The following BICD1 variants were observed in gnomAD, a reference collection of about 807,000 sequenced individuals.
BICD1 encodes the protein BICD cargo adaptor 1, also known as protein bicaudal D homolog 1.
In BICD1, 35 loss-of-function variants were observed where a neutral mutation model predicts 92.5. The ratio of observed to expected loss-of-function variants is 0.38; its 90% CI spans 0.29 to 0.50. BICD1 has a LOEUF of 0.50. Ranked by LOEUF, BICD1 falls within the 20% of genes least tolerant of loss-of-function variation. BICD1 has a pLI of 0.93. For missense variants in BICD1, 950 were observed against 1,189.8 expected (o/e 0.80, Z 2.97); for synonymous variants, 429 against 465.1 (o/e 0.92, Z 1.00).
chr12:32,308,455 G>A (rs1948289296), intron 4 of BICD1, among the ~76,000 whole-genome samples: 1 of 152,202 alleles, frequency 6.6e-6, no homozygotes, highest in African/African-American at 2.4e-5. Flanking sequence ...AGGTTTATGA[G>A]TTATATGCAG....
chr12:32,216,180 C>T (rs902539893), intron 1 of BICD1, 67 bp from the exon 2 acceptor site: 4 of 1,519,252 alleles, frequency 2.6e-6, no homozygotes, highest in African/African-American at 2.8e-5. Flanking sequence ...AAACATTTTC[C>T]CAAGTCTTAA....
intron 1 of BICD1, among the ~76,000 whole-genome samples, chr12:32,144,174 A>T (rs1254087616): frequency 6.6e-6 from 1 of 152,176 alleles, no homozygotes; most frequent in Admixed American, 6.5e-5. Context: ...TGTCTTTAAG[A>T]AATTTTTCCC....
At chr12:32,329,268 C>T (rs1356007350) in intron 5 of BICD1, among the ~76,000 whole-genome samples, 1 of 151,956 alleles carries the variant, frequency 6.6e-6, no homozygotes, top group Non-Finnish European at 1.5e-5. Flanking sequence ...CCATGCCTGG[C>T]TAACTTTTTG....
intron 1 of BICD1, among the ~76,000 whole-genome samples, chr12:32,110,244 A>G (rs973635778): frequency 2.0e-5 from 3 of 152,202 alleles, no homozygotes; most frequent in Admixed American, 1.3e-4. Context: ...AGTGTTGCCT[A>G]AAGATGTGCA....
intron 4 of BICD1, among the ~76,000 whole-genome samples, chr12:32,324,903 T>C (rs775914865): frequency 3.3e-5 from 5 of 152,190 alleles, no homozygotes; most frequent in Admixed American, 6.5e-5. Flanking sequence ...ATTTAATAGA[T>C]TGAAAAATTT....
chr12:32,107,846 A>G (rs1453823294), intron 1 of BICD1: 5 of 659,154 alleles, frequency 7.6e-6, no homozygotes, highest in South Asian at 1.6e-5. Flanking sequence ...GTGGGTTGGA[A>G]TGTATAAATC....
At chr12:32,114,978 G>A (rs946271357) in intron 1 of BICD1, among the ~76,000 whole-genome samples, 24 of 152,196 alleles carry the variant, frequency 1.6e-4, no homozygotes, top group African/African-American at 5.3e-4. Flanking sequence ...TATTGAAGAT[G>A]CATTAGCATT....
In BICD1 at chr12:32,117,751, TATA is replaced by T. The variant is rs1401678824; in HGVS notation, c.213+10208_213+10210del. On this transcript the variant is annotated intron_variant, in intron 1 of 9. Transcript: ENST00000652176. Reference sequence around the variant, plus strand: ...ACACACACACATATATATATATATATATATATATTTTTTTTTAAGACCATATTT... The same window carrying T: ...ACACACACACATATATATATATATATTATATTTTTTTTTAAGACCATATTT... Among the ~76,000 whole-genome samples, 804 of 94,370 alleles carry T rather than the reference TATA, an allele frequency of 8.5e-3. 8 individuals are homozygous for T. The highest frequency in any genetic ancestry group is 0.022 in the African/African-American group (761 of 34,268). The allele number at this position is 94,370 out of a possible 152,430, so 61.9% of individuals were successfully genotyped here.
intron 2 of BICD1, among the ~76,000 whole-genome samples, chr12:32,250,985 A>T (rs1272233902): frequency 6.6e-6 from 1 of 152,096 alleles, no homozygotes; most frequent in African/African-American, 2.4e-5. Context: ...GAGACCCTGT[A>T]TCAAAAAAAA....
At chr12:32,182,988 C>T (rs1410604601) in intron 1 of BICD1, among the ~76,000 whole-genome samples, 1 of 145,468 alleles carries the variant, frequency 6.9e-6, no homozygotes, top group Admixed American at 7.1e-5. Context: ...TTGACCTAGA[C>T]TCGAGCAATC....
chr12:32,276,509 A>C (rs1947279952), intron 2 of BICD1, among the ~76,000 whole-genome samples: 1 of 152,254 alleles, frequency 6.6e-6, no homozygotes, highest in Non-Finnish European at 1.5e-5. Context: ...TAGGAGGTAC[A>C]GAAATAGCCA....
At chr12:32,262,918 C>T (rs901210332) in intron 2 of BICD1, among the ~76,000 whole-genome samples, 10 of 150,682 alleles carry the variant, frequency 6.6e-5, no homozygotes, top group East Asian at 4.0e-4. Context: ...CCAAGGTGGG[C>T]GGATCGCTTG....
chr12:32,383,180 C>T lies in BICD1; in HGVS notation c.*5553C>T, dbSNP rs1940243915. The T allele has an allele frequency of 6.6e-6, 1 of 152,070 alleles. No individual in the cohort carries two copies. The highest frequency in any genetic ancestry group is 1.5e-5 in the Non-Finnish European group (1 of 67,956). The allele number at this position is 152,070 out of a possible 1,614,324, so 9.4% of individuals were successfully genotyped here. ...TGTTGTAATGATTCAACTGTTCCTACATTTAATTGCAGTTTAATTATTATG... is the reference window on the plus strand; with the variant it reads ...TGTTGTAATGATTCAACTGTTCCTATATTTAATTGCAGTTTAATTATTATG... On this transcript the variant is annotated 3_prime_UTR_variant, in exon 10 of 10. Transcript: ENST00000652176.
chr12:32,162,403 ATGG>A (rs1943625229), intron 1 of BICD1, among the ~76,000 whole-genome samples: 1 of 152,226 alleles, frequency 6.6e-6, no homozygotes, highest in Admixed American at 6.5e-5. Context: ...AATAACTGAC[ATGG>A]ATAAATGACA....
rs754648158 is a variant in BICD1, at chr12:32,377,547, A to T, written c.2848A>T (p.Thr950Ser). 1 of 1,614,000 alleles carries T rather than the reference A, an allele frequency of 6.2e-7. No homozygotes were observed. The highest frequency in any genetic ancestry group is 2.2e-5 in the East Asian group (1 of 44,882). ...CTTGTTTCTCCTTTCCAGTCCTGAC[A>T]CAGCTCTCCCTGAGGAGCAGCCACA... ...RQDCPTVSPDTALPEEQPHSS... is the reference protein window; with the variant it reads ...RQDCPTVSPDSALPEEQPHSS... The change falls in exon 10 of 10, where the codon ACA becomes TCA. Residue 950 changes from threonine to serine, a missense_variant. By Grantham distance (58) the Thr-to-Ser change is moderately conservative (BLOSUM62 1). This residue lies in a region of BICD1 where 179 missense variants were observed against 186.7 expected (regional missense o/e 0.96). Coordinates refer to ENST00000652176, the MANE Select transcript of BICD1 (RefSeq NM_001714.4).
At chr12:32,216,490 G>T (rs1945367327) in intron 2 of BICD1, 31 bp downstream of exon 2, 3 of 1,599,342 alleles carry the variant, frequency 1.9e-6, no homozygotes, top group Non-Finnish European at 2.6e-6. Flanking sequence ...TGAGAGATTT[G>T]TGAGAGGGAG....
chr12:32,135,057 T>TTCCCCTCCCC (rs982546750), intron 1 of BICD1, among the ~76,000 whole-genome samples: 1 of 31,182 alleles, frequency 3.2e-5, no homozygotes, highest in Non-Finnish European at 6.8e-5. Flanking sequence ...CTCCCCTCCA[T>TTCCCCTCCCC]TCCCCTCCCC....
At position 32,178,748 on chromosome 12, in the gene BICD1, T is replaced by C. The variant is rs114391744; in HGVS notation, c.214-37499T>C. Among the ~76,000 whole-genome samples the C allele has an allele frequency of 4.3e-3, 649 of 152,086 alleles. 5 individuals are homozygous for C. The highest frequency in any genetic ancestry group is 0.015 in the African/African-American group (619 of 41,534). ...ATTAAAACCTCAGGCAGGTGGCTTG[T>C]TGGTCTGAGCAGCCTCTAAATTTGT... On this transcript the variant is annotated intron_variant, in intron 1 of 9. Coordinates refer to ENST00000652176, the MANE Select transcript of BICD1 (RefSeq NM_001714.4).
At chr12:32,150,023 A>C (rs4931611) in intron 1 of BICD1, among the ~76,000 whole-genome samples, 2 of 151,680 alleles carry the variant, frequency 1.3e-5, no homozygotes, top group Non-Finnish European at 2.9e-5. Flanking sequence ...CCAAAGGTAC[A>C]TCTTACATGG....
Sources: allele counts gnomAD v4.1 joint callset (sites outside exome capture counted in the v4.1 genomes callset), GRCh38; gene constraint gnomAD v4.1.1; regional missense constraint gnomAD v4.1.1; transcripts MANE v1.5; gene names NCBI Gene and HGNC (gene_info 2026-07-23, HGNC 2026-07-21).